The following COPA variants were observed in gnomAD, a reference collection of about 807,000 sequenced individuals.
COPA encodes the protein coat protein complex I subunit alpha, also known as coatomer subunit alpha.
A neutral mutation model predicts 158.7 loss-of-function variants in COPA; 10 were observed. The observed-to-expected ratio is 0.06, with a 90% CI of 0.04 to 0.11. COPA has a LOEUF of 0.11. Among genes scored for constraint, COPA ranks in the 10% least tolerant of loss-of-function variants. The probability of loss-of-function intolerance (pLI) is 1.00; values close to 1 mark genes in which losing one functional copy is unlikely to be tolerated. For synonymous variants in COPA, 462 were observed against 542.8 expected, an observed-to-expected ratio of 0.85 and a Z score of 2.07; for missense variants, 1,065 against 1,536.7, an observed-to-expected ratio of 0.69 and a Z score of 5.13.
chr1:160,327,154 G>A (rs1647270563), intron 6 of COPA, among the ~76,000 whole-genome samples: 1 of 152,192 alleles, frequency 6.6e-6, no homozygotes, highest in African/African-American at 2.4e-5. Context: ...TATTTTGGGG[G>A]AATAGTGGAA....
chr1:160,294,420 T>C, intron 25 of COPA, 64 bp downstream of exon 25: 18 of 1,404,658 alleles, frequency 1.3e-5, no homozygotes, highest in Non-Finnish European at 1.8e-5. Context: ...TAGGGGACAA[T>C]AAGGCCTCTG....
intron 1 of COPA, among the ~76,000 whole-genome samples, chr1:160,340,845 GCT>G (rs949806946): frequency 6.6e-6 from 1 of 152,082 alleles, no homozygotes; most frequent in African/African-American, 2.4e-5. Flanking sequence ...GATCTCTAGT[GCT>G]CTCTCTCTGC....
chr1:160,340,051 T>A (rs1647966183), intron 2 of COPA, 69 bp from the exon 3 acceptor site: 2 of 1,560,624 alleles, frequency 1.3e-6, no homozygotes, highest in African/African-American at 1.4e-5. Flanking sequence ...TGATTCCTAT[T>A]CAGGATTTTT....
rs1379060735 is a variant in COPA, at chr1:160,297,645, C to G, written c.2078G>C (p.Cys693Ser). Residue 693 changes from cysteine to serine, a missense_variant, in exon 20 of 33, where the codon TGC becomes TCC. Cys to Ser is a moderately radical substitution (Grantham distance 112, BLOSUM62 -1). Coordinates refer to ENST00000241704, the MANE Select transcript of COPA (RefSeq NM_004371.4). ...GTCAAAGTTTTTGGTACGCTGATAG[C>G]ACATTTCCACAATCTGGTGGTTCCC... ...LQGNHQIVEM[C>S]YQRTKNFDKL... 1 of 1,614,148 alleles carries G rather than the reference C, an allele frequency of 6.2e-7. No homozygotes were observed. The highest frequency in any genetic ancestry group is 2.2e-5 in the East Asian group (1 of 44,882).
rs1412971009 is a variant in COPA, at chr1:160,294,791, T to A, written c.2543A>T (p.Asp848Val). The change falls in exon 24 of 33, where the codon GAT becomes GTT. Residue 848 changes from aspartate to valine, a missense_variant. Physicochemically the swap from Asp to Val is radical, Grantham distance 152 (BLOSUM62 -3). Coordinates refer to ENST00000241704, the MANE Select transcript of COPA (RefSeq NM_004371.4). Reference protein sequence around the residue: ...DTVGTEGWGEDAELQLDEDGF... With the variant: ...DTVGTEGWGEVAELQLDEDGF... ...ACCTTCATCCAACTGCAGCTCTGCA[T>A]CCTCTCCCCAGCCCTCTGTACCAAC... 1 of 1,614,096 alleles carries A rather than the reference T, an allele frequency of 6.2e-7. No individual in the cohort carries two copies. Among genetic ancestry groups the A allele is most frequent in the African/African-American group, 1.3e-5 (1 of 75,010 alleles).
chr1:160,311,803 T>G, intron 11 of COPA, 65 bp downstream of exon 11: 1 of 1,378,178 alleles, frequency 7.3e-7, no homozygotes, highest in Non-Finnish European at 9.7e-7. Context: ...AAGAGTCTTG[T>G]TTGTGGGAGT....
chr1:160,340,380 A>C, intron 1 of COPA, 86 bp from the exon 2 acceptor site: 1 of 845,646 alleles, frequency 1.2e-6, no homozygotes, highest in Non-Finnish European at 1.9e-6. Context: ...AAGAAACATC[A>C]AGGTTAATCC....
Position 160,299,424 on chromosome 1 carries a change from C to T in COPA, c.1668-160G>A, listed in dbSNP as rs932494197. The T allele has an allele frequency of 1.8e-5, 12 of 651,538 alleles. No homozygotes were observed. The South Asian group carries it at 2.5e-4, about 14-fold the overall frequency. The allele number at this position is 651,538 out of a possible 1,614,324, so 40.4% of individuals were successfully genotyped here. On this transcript the variant is annotated intron_variant, in intron 17 of 32. Transcript: ENST00000241704. ...GAGCAGAACTAAATGCCAAATTTAT[C>T]ATATTCTTTCTACGATGGGGTAGAT...
intron 26 of COPA, 30 bp from the exon 27 acceptor site, chr1:160,293,264 G>C (rs1242977350): frequency 6.2e-7 from 1 of 1,613,624 alleles, no homozygotes; most frequent in African/African-American, 1.3e-5. Flanking sequence ...CCCAAGCCAA[G>C]TGAAACTTTG....
chr1:160,338,157 T>A (rs1469450305), intron 3 of COPA, among the ~76,000 whole-genome samples: 2 of 152,236 alleles, frequency 1.3e-5, no homozygotes, highest in Non-Finnish European at 2.9e-5. Flanking sequence ...TTAAACAGAT[T>A]ATAAGAATCC....
In COPA at chr1:160,306,966, A is replaced by G. The variant is rs961418983; in HGVS notation, c.1302+197T>C. 3.9e-5 allele frequency among the ~76,000 whole-genome samples: 6 copies of G among 152,218 alleles called. No individual in the cohort carries two copies. In the East Asian group the frequency reaches 1.2e-3, roughly 29 times the overall value. On this transcript the variant is annotated intron_variant, in intron 14 of 32. Coordinates refer to ENST00000241704, the MANE Select transcript of COPA (RefSeq NM_004371.4). The stretch of plus-strand genomic sequence containing the variant: ...TCTTAAACCCAGAGCCACGGCGATC[A>G]TCAACCCAATCAAATCAGTTTTAAT...
At chr1:160,340,613 C>A (rs373077565) in intron 1 of COPA, among the ~76,000 whole-genome samples, 64 of 152,244 alleles carry the variant, frequency 4.2e-4, no homozygotes, top group African/African-American at 1.4e-3. Context: ...AATCTGGAAC[C>A]ACTATTAAAG....
At chr1:160,329,920 C>G (rs1377947652) in intron 6 of COPA, among the ~76,000 whole-genome samples, 1 of 152,116 alleles carries the variant, frequency 6.6e-6, no homozygotes, top group African/African-American at 2.4e-5. Context: ...CGAGACTAGC[C>G]TGGCCAAAAT....
chr1:160,336,094 C>G (rs776941779), intron 3 of COPA, among the ~76,000 whole-genome samples: 5 of 148,694 alleles, frequency 3.4e-5, no homozygotes, highest in Non-Finnish European at 7.4e-5. Flanking sequence ...ACCTGTAATC[C>G]CAGCACTTTG....
At chr1:160,314,941 GAAA>G (rs1659086789) in intron 8 of COPA, among the ~76,000 whole-genome samples, 1 of 151,854 alleles carries the variant, frequency 6.6e-6, no homozygotes, top group Admixed American at 6.6e-5. Context: ...ACCACCACAG[GAAA>G]AAAGGGAAAG....
intron 1 of COPA, among the ~76,000 whole-genome samples, chr1:160,341,115 T>C (rs969772954): frequency 5.3e-5 from 8 of 152,220 alleles, no homozygotes; most frequent in Non-Finnish European, 7.4e-5. Context: ...TTTTGTTCAG[T>C]TGTATAGTTA....
rs1658517953 is a variant in COPA, at chr1:160,299,275, A to G, written c.1668-11T>C. 8 of 1,599,464 alleles carry G rather than the reference A, an allele frequency of 5.0e-6. No individual in the cohort carries two copies. The highest frequency in any genetic ancestry group is 6.8e-6 in the Non-Finnish European group (8 of 1,168,732). On this transcript the variant is annotated splice_polypyrimidine_tract_variant and intron_variant, in intron 17 of 32. Coordinates refer to ENST00000241704, the MANE Select transcript of COPA (RefSeq NM_004371.4). ...ATGATCCCGTGGTCCCTAAGAACAG[A>G]GGGCACAGCTTTCAGTAAGTGAGAG...
chr1:160,340,415 G>A, intron 1 of COPA, 121 bp from the exon 2 acceptor site: 1 of 651,084 alleles, frequency 1.5e-6, no homozygotes, highest in Non-Finnish European at 2.6e-6. Context: ...CGACATGCTT[G>A]ATGATTTTTT....
intron 8 of COPA, chr1:160,317,372 G>A (rs889131696): frequency 3.5e-5 from 56 of 1,596,558 alleles, no homozygotes; most frequent in East Asian, 8.9e-5. Context: ...GCTGCTGTGC[G>A]GAGACCCCCG....
Sources: gnomAD v4.1 joint callset for allele counts (sites outside exome capture counted in the v4.1 genomes callset) on GRCh38, gnomAD v4.1.1 for gene constraint, MANE v1.5 for transcripts, NCBI Gene and HGNC (gene_info 2026-07-23, HGNC 2026-07-21) for gene names.